Variants in NLGN4X observed in about 807,000 individuals in gnomAD.
The protein encoded by NLGN4X is neuroligin-4, X-linked.
Under a neutral mutation model 40.3 loss-of-function variants are expected in NLGN4X, and 3 were observed. That is an observed-to-expected ratio of 0.07 (90% confidence interval 0.03 to 0.19). The LOEUF is 0.19. NLGN4X is among the 10% of genes least tolerant of loss of function. NLGN4X has a pLI of 1.00. For missense variants in NLGN4X, 382 were observed against 708.3 expected, an observed-to-expected ratio of 0.54 and a Z score of 5.23; for synonymous variants, 270 against 306.8, an observed-to-expected ratio of 0.88 and a Z score of 1.25.
chrX:5,979,491 A>C (rs774487271), intron 3 of NLGN4X, among the ~76,000 whole-genome samples: 27 of 110,685 alleles, frequency 2.4e-4, no homozygotes, highest in African/African-American at 8.2e-4. Context: ...TAGCTCCTCC[A>C]AATCCTCACC....
At chrX:6,001,368 C>A (rs17268655) in intron 3 of NLGN4X, among the ~76,000 whole-genome samples, 3,384 of 111,787 alleles carry the variant, frequency 0.03, 116 homozygotes, top group East Asian at 0.17. Flanking sequence ...AGTGTAGAAT[C>A]AGTGGAAATA....
chrX:5,922,921 G>T (rs1181732325), intron 3 of NLGN4X, among the ~76,000 whole-genome samples: 8 of 111,270 alleles, frequency 7.2e-5, no homozygotes, highest in Non-Finnish European at 1.5e-4. Context: ...AAAACCATAT[G>T]AAGATATCTA....
chrX:5,982,070 T>G (rs2035404508), intron 3 of NLGN4X, among the ~76,000 whole-genome samples: 1 of 112,223 alleles, frequency 8.9e-6, no homozygotes, highest in African/African-American at 3.2e-5. Context: ...TGGCTTTTAA[T>G]CATGCATTTT....
At chrX:5,922,905 A>C (rs1428635580) in intron 3 of NLGN4X, among the ~76,000 whole-genome samples, 1 of 111,493 alleles carries the variant, frequency 9.0e-6, no homozygotes, top group Non-Finnish European at 1.9e-5. Flanking sequence ...AAATTAAAAA[A>C]CAAGAAAAAC....
At chrX:6,127,132 A>G (rs1228264161) in intron 2 of NLGN4X, among the ~76,000 whole-genome samples, 3 of 111,298 alleles carry the variant, frequency 2.7e-5, no homozygotes, top group Admixed American at 9.6e-5. Context: ...GGAGGGCAGA[A>G]GGCGAGTAAG....
At chrX:5,907,036 G>A (rs1420638611) in intron 4 of NLGN4X, among the ~76,000 whole-genome samples, 1 of 109,141 alleles carries the variant, frequency 9.2e-6, no homozygotes, top group Admixed American at 9.8e-5. Context: ...AGCCAAGATT[G>A]TGCCACTGCA....
intron 3 of NLGN4X, among the ~76,000 whole-genome samples, chrX:5,996,698 A>T (rs1348796548): frequency 9.3e-6 from 1 of 107,967 alleles, no homozygotes; most frequent in African/African-American, 3.4e-5. Context: ...TCCCGGGTTC[A>T]GGAGATTCTC....
intron 3 of NLGN4X, among the ~76,000 whole-genome samples, chrX:5,913,175 G>C (rs1479532843): frequency 6.3e-5 from 7 of 111,405 alleles, no homozygotes; most frequent in Non-Finnish European, 1.3e-4. Flanking sequence ...AATTCTAATG[G>C]TGTGATTTTT....
intron 3 of NLGN4X, among the ~76,000 whole-genome samples, chrX:5,998,557 T>C (rs919804622): frequency 1.3e-4 from 15 of 112,172 alleles, no homozygotes; most frequent in African/African-American, 4.5e-4. Flanking sequence ...TCACAAGATA[T>C]GAAAATGATT....
chrX:6,120,170 C>A (rs2039391613), intron 2 of NLGN4X, among the ~76,000 whole-genome samples: 1 of 110,758 alleles, frequency 9.0e-6, no homozygotes, highest in Non-Finnish European at 1.9e-5. Flanking sequence ...ATTTTTATAG[C>A]AAGCCCCTGC....
At chrX:6,215,083 G>T (rs5916336) in intron 1 of NLGN4X, among the ~76,000 whole-genome samples, 42,736 of 111,020 alleles carry the variant, frequency 0.38, 8,269 homozygotes, top group African/African-American at 0.77. Context: ...TGTTTAAATC[G>T]CTGCTGCATA....
intron 2 of NLGN4X, among the ~76,000 whole-genome samples, chrX:6,063,907 CA>C (rs1475857215): frequency 8.9e-6 from 1 of 112,132 alleles, no homozygotes; most frequent in Non-Finnish European, 1.9e-5. Context: ...ACCTAACTCA[CA>C]TGGTTTCTTC....
intron 3 of NLGN4X, among the ~76,000 whole-genome samples, chrX:5,927,423 G>C (rs758966864): frequency 1.8e-5 from 2 of 112,031 alleles, no homozygotes; most frequent in East Asian, 5.6e-4. Context: ...AACTTGAAGA[G>C]AAATCATTAA....
chrX:6,133,647 T>C lies in NLGN4X; in HGVS notation c.472+17348A>G, dbSNP rs1441310708. On this transcript the variant is annotated intron_variant, in intron 2 of 5. Coordinates refer to ENST00000381095, the MANE Select transcript of NLGN4X (RefSeq NM_181332.3). ...CCTCTAAGGTCACTAAAAGGCAAAT[T>C]GTTGGAATCTATACCCAGATTTTGA... 2.7e-5 allele frequency among the ~76,000 whole-genome samples: 3 copies of C among 111,881 alleles called. No individual in the cohort carries two copies. The East Asian group carries it at 8.5e-4, about 32-fold the overall frequency.
rs181198635 is a variant in NLGN4X, at chrX:6,224,942, T to C, written c.-306+3599A>G. ...TTGCTACAACTGGCCCTGATTATGT[T>C]CTTACATGTCAAAGAAAATACTCTT... On this transcript the variant is annotated intron_variant, in intron 1 of 5. Coordinates refer to ENST00000381095, the MANE Select transcript of NLGN4X (RefSeq NM_181332.3). Among the ~76,000 whole-genome samples, 901 of 96,533 alleles carry C rather than the reference T, an allele frequency of 9.3e-3. 18 individuals are homozygous for C. The highest frequency in any genetic ancestry group is 0.033 in the African/African-American group (855 of 25,685). The allele number at this position is 96,533 out of a possible 115,157, so 83.8% of individuals were successfully genotyped here.
chrX:6,158,161 A>G (rs1012015613), intron 1 of NLGN4X, among the ~76,000 whole-genome samples: 2 of 111,854 alleles, frequency 1.8e-5, no homozygotes, highest in Admixed American at 9.5e-5. Flanking sequence ...ACTCAAAGTC[A>G]TATGTCCTCA....
At position 6,053,433 on chromosome X, in the gene NLGN4X, C is replaced by T. The variant is rs747455366; in HGVS notation, c.473-24001G>A. On this transcript the variant is annotated intron_variant, in intron 2 of 5. Transcript: ENST00000381095. ...ACGAGCATGCTGGCTCAGGGCATCA[C>T]AGAGCTGCAGCAAGCACCTCCAGCC... Among the ~76,000 whole-genome samples the T allele has an allele frequency of 5.4e-5, 6 of 111,008 alleles. No individual in the cohort carries two copies. In the Admixed American group the frequency reaches 5.8e-4, roughly 11 times the overall value.
At chrX:5,904,843 C>T (rs778413489) in intron 4 of NLGN4X, among the ~76,000 whole-genome samples, 40 of 111,550 alleles carry the variant, frequency 3.6e-4, no homozygotes, top group Middle Eastern at 9.2e-3. Context: ...CATGCCCTGT[C>T]GATTTTTAAG....
chrX:6,113,335 G>A lies in NLGN4X; in HGVS notation c.472+37660C>T, dbSNP rs190751146. On this transcript the variant is annotated intron_variant, in intron 2 of 5. Transcript: ENST00000381095. The stretch of plus-strand genomic sequence containing the variant: ...ATAAGGAAAACTCTACACAATCTTC[G>A]CCAATTTAGCACAAATCTAAAATTA... Among the ~76,000 whole-genome samples, 3 of 111,006 alleles carry A rather than the reference G, an allele frequency of 2.7e-5. 1 individual carries two copies. Among genetic ancestry groups the A allele is most frequent in the African/African-American group, 9.8e-5 (3 of 30,593 alleles).
Sources: allele counts gnomAD v4.1 joint callset (sites outside exome capture counted in the v4.1 genomes callset), GRCh38; gene constraint gnomAD v4.1.1; transcripts MANE v1.5; gene names NCBI Gene and HGNC (gene_info 2026-07-23, HGNC 2026-07-21).